EFHD2: variants seen among roughly 807,000 people sequenced by gnomAD.
EFHD2 encodes EF-hand domain family member D2, also known as EF-hand domain-containing protein D2.
Under a neutral mutation model 20.3 loss-of-function variants are expected in EFHD2, and 12 were observed. The observed-to-expected ratio is 0.59, with a 90% CI of 0.38 to 0.96. The LOEUF (loss-of-function observed/expected upper bound fraction) is 0.96. Ranked by LOEUF, EFHD2 falls within the 40% of genes least tolerant of loss-of-function variation. EFHD2 has a pLI of 0.00. For synonymous variants in EFHD2, 131 were observed against 143.9 expected (o/e 0.91, Z 0.64); for missense variants, 250 against 334.3 (o/e 0.75, Z 1.97).
chr1:15,420,410 G>A (rs1707769739), intron 1 of EFHD2, among the ~76,000 whole-genome samples: 1 of 152,066 alleles, frequency 6.6e-6, no homozygotes. Flanking sequence ...GGCTCGATCA[G>A]GGCTCACTGC....
intron 1 of EFHD2, among the ~76,000 whole-genome samples, chr1:15,416,375 C>T (rs1297555884): frequency 6.6e-6 from 1 of 152,186 alleles, no homozygotes; most frequent in Admixed American, 6.5e-5. Context: ...AGGGAAGGTC[C>T]CCACACCCTG....
At chr1:15,421,598 G>A (rs11583450) in intron 1 of EFHD2, among the ~76,000 whole-genome samples, 2,895 of 152,328 alleles carry the variant, frequency 0.019, 78 homozygotes, top group African/African-American at 0.059. Flanking sequence ...AGGCCTGGGA[G>A]CTGCCAAAGA....
intron 3 of EFHD2, chr1:15,428,147 G>T (rs1707905094): frequency 2.7e-6 from 1 of 375,394 alleles, no homozygotes; most frequent in Non-Finnish European, 5.3e-6. Context: ...CAAGCTGTTT[G>T]TGTTGCTGGG....
chr1:15,416,501 G>C (rs548908942), intron 1 of EFHD2, among the ~76,000 whole-genome samples: 1 of 152,332 alleles, frequency 6.6e-6, no homozygotes, highest in Non-Finnish European at 1.5e-5. Context: ...ATGGGAGCCG[G>C]GCCGCCCAGG....
At chr1:15,428,391 A>G (rs1707908498) in intron 3 of EFHD2, among the ~76,000 whole-genome samples, 1 of 152,120 alleles carries the variant, frequency 6.6e-6, no homozygotes. Flanking sequence ...CAGCTACTCA[A>G]GAGGCTGAGG....
Position 15,413,396 on chromosome 1 carries a change from C to T in EFHD2, c.308+3117C>T, listed in dbSNP as rs1707581277. Among the ~76,000 whole-genome samples, 1 of 152,182 alleles carries T rather than the reference C, an allele frequency of 6.6e-6. No homozygotes were observed. The highest frequency in any genetic ancestry group is 2.4e-5 in the African/African-American group (1 of 41,432). ...CCCACCTGTAAAAGGGGCAGGCTAT[C>T]CCTCATGACCCCCAAAGGTCCTTCA... On this transcript the variant is annotated intron_variant, in intron 1 of 3. Transcript: ENST00000375980. The surrounding 1 kb of genome is among the most constrained non-coding windows in gnomAD (Gnocchi z 4.4).
intron 1 of EFHD2, among the ~76,000 whole-genome samples, chr1:15,418,598 C>G (rs965873954): frequency 6.6e-6 from 1 of 151,822 alleles, no homozygotes; most frequent in Non-Finnish European, 1.5e-5. Flanking sequence ...AGCCACGGCA[C>G]CCGGCCGCAA....
chr1:15,420,160 A>T (rs72881541), intron 1 of EFHD2, among the ~76,000 whole-genome samples: 10,108 of 152,264 alleles, frequency 0.066, 802 homozygotes, highest in African/African-American at 0.19. Flanking sequence ...GTTTTTTATC[A>T]TTATTTCTAA....
At chr1:15,422,876 A>G (rs375323073) in intron 1 of EFHD2, among the ~76,000 whole-genome samples, 30 of 152,040 alleles carry the variant, frequency 2.0e-4, no homozygotes, top group African/African-American at 7.0e-4. Flanking sequence ...AATAAAAATA[A>G]AAAGAGATGC....
At chr1:15,428,362 T>C (rs1707908178) in intron 3 of EFHD2, among the ~76,000 whole-genome samples, 1 of 152,024 alleles carries the variant, frequency 6.6e-6, no homozygotes. Flanking sequence ...CCGGGCATGG[T>C]GGAGGGCACC....
At chr1:15,422,391 G>A (rs1389258711) in intron 1 of EFHD2, among the ~76,000 whole-genome samples, 1 of 151,836 alleles carries the variant, frequency 6.6e-6, no homozygotes, top group African/African-American at 2.4e-5. Context: ...GTGCCCAGCT[G>A]GCCAGGTCAT....
rs139104793 is a variant in EFHD2 at position 15,420,760 on chromosome 1, C to T, written c.309-5111C>T. On this transcript the variant is annotated intron_variant, in intron 1 of 3. Transcript: ENST00000375980. ...GTCTCGAACTCCTGACCTCGTGATC[C>T]GCCTGCCTCAGCCTCCCAAAATGCT... Among the ~76,000 whole-genome samples, 172 of 152,172 alleles carry T rather than the reference C, an allele frequency of 1.1e-3. 1 individual carries two copies. Among genetic ancestry groups the T allele is most frequent in the African/African-American group, 3.6e-3 (149 of 41,492 alleles).
Position 15,426,851 on chromosome 1 carries a change from C to T in EFHD2, c.457-299C>T, listed in dbSNP as rs1239589594. Among the ~76,000 whole-genome samples the T allele has an allele frequency of 2.0e-5, 3 of 152,122 alleles. No homozygotes were observed. The highest frequency in any genetic ancestry group is 6.5e-5 in the Admixed American group (1 of 15,276). The stretch of plus-strand genomic sequence containing the variant: ...GCAGAGTAGGTTCACTGGGCAACAG[C>T]GGGAGACAGAGGTAAGAGGTAGGCT... On this transcript the variant is annotated intron_variant, in intron 2 of 3. Coordinates refer to ENST00000375980, the MANE Select transcript of EFHD2 (RefSeq NM_024329.6). This position sits in a 1 kb window ranked among gnomAD's most constrained non-coding sequence, Gnocchi z 4.6.
intron 1 of EFHD2, among the ~76,000 whole-genome samples, chr1:15,415,519 C>T (rs1030685736): frequency 6.8e-6 from 1 of 146,118 alleles, no homozygotes; most frequent in South Asian, 2.1e-4. Flanking sequence ...GATGGAGTCT[C>T]GCTCTGCCAC....
rs1338447864 is a variant in EFHD2, at chr1:15,417,646, A to G, written c.308+7367A>G. ...GAGATCAAGTGTGAGATTCCCAGAT[A>G]GGACTAGAGGAAGTGGTGAGCGCTG... On this transcript the variant is annotated intron_variant, in intron 1 of 3. Coordinates refer to ENST00000375980, the MANE Select transcript of EFHD2 (RefSeq NM_024329.6). 2.6e-5 allele frequency among the ~76,000 whole-genome samples: 4 copies of G among 152,206 alleles called. No homozygotes were observed. The East Asian group carries it at 7.7e-4, about 29-fold the overall frequency.
Position 15,418,510 on chromosome 1 carries a change from T to C in EFHD2, c.309-7361T>C, listed in dbSNP as rs542262814. Among the ~76,000 whole-genome samples the C allele has an allele frequency of 7.3e-5, 11 of 150,908 alleles. No homozygotes were observed. In the East Asian group the frequency reaches 1.2e-3, roughly 16 times the overall value. ...TTAGTAGAGACGGGGTTTCACCGTG[T>C]TAGCCAGGATGGTCTCAATCTCCTG... On this transcript the variant is annotated intron_variant, in intron 1 of 3. Transcript: ENST00000375980.
chr1:15,418,466 C>A (rs541575947), intron 1 of EFHD2, among the ~76,000 whole-genome samples: 1 of 151,606 alleles, frequency 6.6e-6, no homozygotes, highest in Non-Finnish European at 1.5e-5. Context: ...CCATCACGCC[C>A]GGCTAATTTT....
Position 15,427,131 on chromosome 1 carries a change from G to A in EFHD2, c.457-19G>A, listed in dbSNP as rs377139659. On this transcript the variant is annotated intron_variant, in intron 2 of 3. Transcript: ENST00000375980. ...CTTCCCTCCCTTCCTGACACCGCGC[G>A]CCTCCCTCCCCGCTGCAGTTCCTCC... The A allele has an allele frequency of 2.3e-4, 377 of 1,609,492 alleles. 1 individual carries two copies. The highest frequency in any genetic ancestry group is 7.5e-4 in the Middle Eastern group (4 of 5,306).
intron 2 of EFHD2, 130 bp from the exon 3 acceptor site, chr1:15,427,020 G>A: frequency 7.8e-7 from 1 of 1,275,454 alleles, no homozygotes; most frequent in Non-Finnish European, 1.1e-6. Flanking sequence ...CAAGGGGCGA[G>A]ACCCAGCTCA....
Sources: allele counts gnomAD v4.1 joint callset (sites outside exome capture counted in the v4.1 genomes callset), GRCh38; gene constraint gnomAD v4.1.1; non-coding constraint Gnocchi (gnomAD v3.1); transcripts MANE v1.5; gene names NCBI Gene and HGNC (gene_info 2026-07-23, HGNC 2026-07-21).